RAB3IP: variants seen among roughly 807,000 people sequenced by gnomAD.
The protein encoded by RAB3IP is rab-3A-interacting protein.
RAB3IP carries 36 observed loss-of-function variants against 59.1 expected under a neutral mutation model. The ratio of observed to expected loss-of-function variants is 0.61; its 90% CI spans 0.47 to 0.80. The LOEUF (loss-of-function observed/expected upper bound fraction) is 0.80, where lower values mean the gene tolerates loss of function less well. RAB3IP is among the 30% of genes least tolerant of loss of function. The pLI is 0.00. For missense variants in RAB3IP, 511 were observed against 536.0 expected (o/e 0.95, Z 0.46); for synonymous variants, 207 against 191.2 (o/e 1.08, Z -0.68).
chr12:69,800,207 A>G lies in RAB3IP; in HGVS notation c.889-2A>G. The G allele has an allele frequency of 6.6e-7, 1 of 1,518,558 alleles. No individual in the cohort carries two copies. The highest frequency in any genetic ancestry group is 2.4e-5 in the Admixed American group (1 of 42,296). 94.1% of individuals were successfully genotyped at this position (1,518,558 alleles called of 1,614,324 possible). On this transcript the variant is annotated splice_acceptor_variant, in intron 6 of 10. Transcript: ENST00000247833. LOFTEE classifies it high-confidence loss of function. Reference sequence around the variant, plus strand: ...TTTTTGTGTTTTCCTTTGGTTTGTTAGGCTGACTTATCCTTGTATAATGAA... The same window carrying G: ...TTTTTGTGTTTTCCTTTGGTTTGTTGGGCTGACTTATCCTTGTATAATGAA...
rs1233684496 is a variant in RAB3IP, at chr12:69,821,851, C to T, written c.*6405C>T. ...TATGGCCCACCATCCTGGATTGTCT[C>T]CCTGACACCAAGGCTAAGGGACCCA... On this transcript the variant is annotated 3_prime_UTR_variant, in exon 11 of 11. Coordinates refer to ENST00000247833, the MANE Select transcript of RAB3IP (RefSeq NM_022456.5). The T allele has an allele frequency of 1.3e-5, 2 of 152,206 alleles. No individual in the cohort carries two copies. Among genetic ancestry groups the T allele is most frequent in the Non-Finnish European group, 2.9e-5 (2 of 68,058 alleles). The allele number at this position is 152,206 out of a possible 1,614,324, so 9.4% of individuals were successfully genotyped here.
rs774489387 is a variant in RAB3IP, at chr12:69,747,331, TGAGA to T, written c.-25-8037_-25-8034del. ...GTGTGTGTGTGTGTGTGTGTGTGTG[TGAGA>T]GAGAGAGAGAGAGAGGATCTTTCTC... On this transcript the variant is annotated intron_variant, in intron 1 of 10. Coordinates refer to ENST00000247833, the MANE Select transcript of RAB3IP (RefSeq NM_022456.5). Among the ~76,000 whole-genome samples, 384 of 85,992 alleles carry T rather than the reference TGAGA, an allele frequency of 4.5e-3. 2 individuals are homozygous for T. Among genetic ancestry groups the T allele is most frequent in the East Asian group, 0.024 (69 of 2,834 alleles). 56.4% of individuals were successfully genotyped at this position (85,992 alleles called of 152,430 possible).
At chr12:69,743,598 T>C (rs1007538630) in intron 1 of RAB3IP, among the ~76,000 whole-genome samples, 1 of 152,212 alleles carries the variant, frequency 6.6e-6, no homozygotes, top group African/African-American at 2.4e-5. Flanking sequence ...ATCACTACCA[T>C]TATAGATGTC....
intron 3 of RAB3IP, among the ~76,000 whole-genome samples, chr12:69,782,373 C>G (rs148000628): frequency 3.3e-5 from 5 of 152,322 alleles, no homozygotes; most frequent in Non-Finnish European, 4.4e-5. Context: ...CCATGTTGAT[C>G]AAGCTGGTCT....
Position 69,813,031 on chromosome 12 carries a change from A to G in RAB3IP, c.1298A>G (p.Asp433Gly), listed in dbSNP as rs747345285. The change falls in exon 10 of 11, where the codon GAT becomes GGT. Residue 433 changes from aspartate to glycine, a missense_variant and splice_region_variant. Transcript: ENST00000247833. ...CAGCAGGGACTCGTGAAACAGCAGGATGGTGAGTGTTCTTGATTCAATATA... is the reference window on the plus strand; with the variant it reads ...CAGCAGGGACTCGTGAAACAGCAGGGTGGTGAGTGTTCTTGATTCAATATA... Reference protein sequence around the residue: ...YIQQGLVKQQDVDQMFWEVMQ... With the variant: ...YIQQGLVKQQGVDQMFWEVMQ... 3 of 1,608,792 alleles carry G rather than the reference A, an allele frequency of 1.9e-6. No homozygotes were observed. In the South Asian group the frequency reaches 3.3e-5, roughly 18 times the overall value.
intron 1 of RAB3IP, among the ~76,000 whole-genome samples, chr12:69,748,027 CAT>C (rs2072979281): frequency 6.7e-6 from 1 of 149,464 alleles, no homozygotes; most frequent in Admixed American, 6.7e-5. Context: ...TTAATTTTCA[CAT>C]ATATTAAATT....
At chr12:69,769,596 T>C (rs1214273963) in intron 3 of RAB3IP, among the ~76,000 whole-genome samples, 1 of 152,214 alleles carries the variant, frequency 6.6e-6, no homozygotes, top group Non-Finnish European at 1.5e-5. Flanking sequence ...GACTTCCAAG[T>C]GGCCAAGGCA....
chr12:69,793,586 T>G (rs4576865), intron 4 of RAB3IP, among the ~76,000 whole-genome samples: 32,345 of 152,174 alleles, frequency 0.21, 4,169 homozygotes, highest in Middle Eastern at 0.35. Context: ...TTACAGGGAT[T>G]ATTCTATACA....
At chr12:69,790,386 A>T (rs1440239968) in intron 4 of RAB3IP, among the ~76,000 whole-genome samples, 1 of 152,194 alleles carries the variant, frequency 6.6e-6, no homozygotes, top group Non-Finnish European at 1.5e-5. Context: ...ACTGAAAATT[A>T]TAATACAGTT....
At chr12:69,763,656 A>C (rs4570630) in intron 3 of RAB3IP, among the ~76,000 whole-genome samples, 1 of 152,140 alleles carries the variant, frequency 6.6e-6, no homozygotes, top group Admixed American at 6.5e-5. Flanking sequence ...ATGTGCAGGT[A>C]TATTACCTGG....
Position 69,800,373 on chromosome 12 carries a change from G to A in RAB3IP, c.1017+36G>A, listed in dbSNP as rs116310329. The A allele has an allele frequency of 1.6e-3, 2,146 of 1,308,282 alleles. 39 individuals carry two copies. The African/African-American group carries it at 0.029, about 18-fold the overall frequency. 81.0% of individuals were successfully genotyped at this position (1,308,282 alleles called of 1,614,324 possible). A position where few individuals can be genotyped will look rare whatever the true frequency, so the allele number is the denominator to read the frequency against. On this transcript the variant is annotated intron_variant, in intron 7 of 10. Coordinates refer to ENST00000247833, the MANE Select transcript of RAB3IP (RefSeq NM_022456.5). ...TTCATTTTAGTAGGAATTCATTATAGTTGTTTCTGTACTTCTTTTAAACTA... is the reference window on the plus strand; with the variant it reads ...TTCATTTTAGTAGGAATTCATTATAATTGTTTCTGTACTTCTTTTAAACTA...
chr12:69,804,195 CTG>C (rs1878864161), intron 8 of RAB3IP, among the ~76,000 whole-genome samples: 1 of 152,198 alleles, frequency 6.6e-6, no homozygotes, highest in South Asian at 2.1e-4. Context: ...GCCATTCTAA[CTG>C]GTGTGAGATG....
chr12:69,797,012 C>G (rs948260658), intron 6 of RAB3IP, among the ~76,000 whole-genome samples: 2 of 152,148 alleles, frequency 1.3e-5, no homozygotes, highest in Non-Finnish European at 2.9e-5. Context: ...TCATGAAAAA[C>G]TTGTCAAAAA....
intron 3 of RAB3IP, among the ~76,000 whole-genome samples, chr12:69,758,109 A>G (rs1003014622): frequency 1.3e-5 from 2 of 152,196 alleles, no homozygotes; most frequent in South Asian, 2.1e-4. Context: ...AATTGTGACA[A>G]CTTGTGAATC....
chr12:69,805,124 A>G (rs1879038990), intron 8 of RAB3IP, among the ~76,000 whole-genome samples: 1 of 152,234 alleles, frequency 6.6e-6, no homozygotes, highest in Non-Finnish European at 1.5e-5. Flanking sequence ...CTTCCTACCC[A>G]TGAGCATTGA....
intron 3 of RAB3IP, among the ~76,000 whole-genome samples, chr12:69,781,220 T>C (rs1291621264): frequency 2.6e-5 from 4 of 152,200 alleles, no homozygotes; most frequent in East Asian, 3.9e-4. Context: ...ATTGACACTT[T>C]TAGAGCAGTT....
intron 4 of RAB3IP, 125 bp from the exon 5 acceptor site, chr12:69,794,312 T>A: frequency 2.9e-6 from 2 of 697,400 alleles, no homozygotes; most frequent in East Asian, 2.7e-5. Flanking sequence ...ATAGTTGACA[T>A]TGAATACTTA....
chr12:69,784,740 A>G lies in RAB3IP; in HGVS notation c.531A>G (p.Glu177=). The change falls in exon 4 of 11, where the codon GAA becomes GAG. Residue 177 remains glutamate (E), a synonymous_variant. Coordinates refer to ENST00000247833, the MANE Select transcript of RAB3IP (RefSeq NM_022456.5). ...KAQRELKLKD[E]ECERLSKVRD... is the part of the protein sequence containing the mutation. Reference sequence around the variant, plus strand: ...CTTAGGAACTGAAGTTAAAAGATGAAGAATGTGAGAGGCTTTCAAAAGTGC... The same window carrying G: ...CTTAGGAACTGAAGTTAAAAGATGAGGAATGTGAGAGGCTTTCAAAAGTGC... The G allele has an allele frequency of 1.2e-6, 2 of 1,604,004 alleles. No homozygotes were observed. The highest frequency in any genetic ancestry group is 1.7e-5 in the Admixed American group (1 of 59,086).
At chr12:69,784,446 T>TTA (rs1392979343) in intron 3 of RAB3IP, among the ~76,000 whole-genome samples, 1 of 149,760 alleles carries the variant, frequency 6.7e-6, no homozygotes, top group Admixed American at 6.7e-5. Context: ...GTAATATATA[T>TTA]TATATATAGT....
Sources: allele counts gnomAD v4.1 joint callset (sites outside exome capture counted in the v4.1 genomes callset), GRCh38; gene constraint gnomAD v4.1.1; transcripts MANE v1.5; gene names NCBI Gene and HGNC (gene_info 2026-07-23, HGNC 2026-07-21).